Variants in ALKBH8 observed in about 807,000 individuals in gnomAD.
The protein encoded by ALKBH8 is alkB homolog 8, tRNA methyltransferase.
ALKBH8 carries 36 observed loss-of-function variants against 59.8 expected under a neutral mutation model. The observed-to-expected ratio is 0.60, with a 90% CI of 0.46 to 0.79. The LOEUF is 0.79. Among genes scored for constraint, ALKBH8 ranks in the 30% least tolerant of loss-of-function variants. ALKBH8 has a pLI of 0.00. For synonymous variants in ALKBH8, 276 were observed against 273.6 expected (o/e 1.01, Z -0.09); for missense variants, 768 against 801.0 (o/e 0.96, Z 0.50).
chr11:107,529,070 A>T (rs1038009748), intron 8 of ALKBH8, among the ~76,000 whole-genome samples: 2 of 152,198 alleles, frequency 1.3e-5, no homozygotes, highest in African/African-American at 4.8e-5. Context: ...TTTAGCCATA[A>T]TATCATTGGT....
intron 11 of ALKBH8, among the ~76,000 whole-genome samples, chr11:107,509,051 G>C (rs970842775): frequency 6.6e-6 from 1 of 152,120 alleles, no homozygotes; most frequent in African/African-American, 2.4e-5. Flanking sequence ...GAATCATGTG[G>C]TAATTCTATG....
chr11:107,540,168 A>G (rs1278010611), intron 7 of ALKBH8, among the ~76,000 whole-genome samples: 3 of 152,350 alleles, frequency 2.0e-5, no homozygotes, highest in Non-Finnish European at 4.4e-5. Flanking sequence ...GGGTATATAC[A>G]TCTGGGAATG....
chr11:107,564,397 C>T (rs969725773), intron 1 of ALKBH8, among the ~76,000 whole-genome samples: 5 of 152,134 alleles, frequency 3.3e-5, no homozygotes. Context: ...ATTACTTTTG[C>T]ACAACCTAAT....
At chr11:107,562,369 T>G (rs1220080513) in intron 1 of ALKBH8, among the ~76,000 whole-genome samples, 3 of 150,218 alleles carry the variant, frequency 2.0e-5, no homozygotes, top group Non-Finnish European at 4.4e-5. Flanking sequence ...TGCCATGTAC[T>G]GAAGGATAAG....
At chr11:107,517,952 G>A (rs1027212794) in intron 10 of ALKBH8, among the ~76,000 whole-genome samples, 2 of 152,152 alleles carry the variant, frequency 1.3e-5, no homozygotes, top group African/African-American at 4.8e-5. Flanking sequence ...TAATGCATAT[G>A]TTAATTTGCT....
chr11:107,539,268 C>T (rs1863940152), intron 7 of ALKBH8, among the ~76,000 whole-genome samples: 1 of 152,194 alleles, frequency 6.6e-6, no homozygotes, highest in African/African-American at 2.4e-5. Flanking sequence ...AACCTTCTAC[C>T]TATGCCATAT....
chr11:107,517,678 A>G (rs898908096), intron 10 of ALKBH8, among the ~76,000 whole-genome samples: 27 of 152,352 alleles, frequency 1.8e-4, no homozygotes, highest in African/African-American at 6.5e-4. Flanking sequence ...CAAGTATTGC[A>G]TGATCTCACT....
At position 107,553,863 on chromosome 11, in the gene ALKBH8, A is replaced by G; in HGVS notation, c.483T>C (p.Asp161=). ...TTTACTTACAGTTTTGATTGTCTGT[A>G]TCTTCTGTCCAATCAACACTTTCCA... ...MLLESVDWTE[D]TDNQNSQKSL... is the part of the protein sequence containing the mutation. Residue 161 remains aspartate, a synonymous_variant, in exon 4 of 12, where the codon GAT becomes GAC. Coordinates refer to ENST00000428149, the MANE Select transcript of ALKBH8 (RefSeq NM_138775.3). 6.2e-7 allele frequency: 1 copy of G among 1,613,062 alleles called. No homozygotes were observed. Among genetic ancestry groups the G allele is most frequent in the South Asian group, 1.1e-5 (1 of 90,926 alleles).
intron 1 of ALKBH8, among the ~76,000 whole-genome samples, chr11:107,562,419 G>A (rs1032065969): frequency 1.3e-5 from 2 of 152,022 alleles, no homozygotes; most frequent in Admixed American, 6.6e-5. Context: ...TATTCAGTGA[G>A]GCAGTAAAGA....
chr11:107,533,409 T>G (rs1863678028), intron 7 of ALKBH8, among the ~76,000 whole-genome samples: 1 of 152,150 alleles, frequency 6.6e-6, no homozygotes, highest in African/African-American at 2.4e-5. Flanking sequence ...AATAGTAATA[T>G]TGGATCAAAT....
chr11:107,512,930 C>A (rs1397475241), intron 10 of ALKBH8, among the ~76,000 whole-genome samples: 1 of 152,052 alleles, frequency 6.6e-6, no homozygotes, highest in Non-Finnish European at 1.5e-5. Flanking sequence ...AATGTAAAAC[C>A]TAAGACTACA....
At chr11:107,544,107 T>C (rs958388262) in intron 7 of ALKBH8, among the ~76,000 whole-genome samples, 1 of 152,238 alleles carries the variant, frequency 6.6e-6, no homozygotes, top group African/African-American at 2.4e-5. Context: ...CTGAACTCTA[T>C]TGATTTTTCT....
intron 7 of ALKBH8, among the ~76,000 whole-genome samples, chr11:107,534,616 A>AC (rs1210368568): frequency 1.3e-5 from 2 of 152,250 alleles, no homozygotes; most frequent in African/African-American, 4.8e-5. Context: ...ATTAGAACTC[A>AC]CAAGAGATAT....
At chr11:107,565,465 G>A (rs1279270694) in intron 1 of ALKBH8, 136 bp downstream of exon 1, 6 of 1,236,778 alleles carry the variant, frequency 4.9e-6, no homozygotes, top group South Asian at 1.4e-5. Context: ...TGCACCAAGG[G>A]CGCCTCTGGG....
chr11:107,526,925 T>C (rs1317674001), intron 8 of ALKBH8, among the ~76,000 whole-genome samples: 1 of 151,988 alleles, frequency 6.6e-6, no homozygotes, highest in Non-Finnish European at 1.5e-5. Flanking sequence ...GTCCTCCTGA[T>C]CTATCTGTCT....
Position 107,504,474 on chromosome 11 carries a change from G to A in ALKBH8, c.*184C>T. The A allele has an allele frequency of 1.3e-6, 1 of 746,998 alleles. No individual in the cohort carries two copies. Among genetic ancestry groups the A allele is most frequent in the Non-Finnish European group, 2.3e-6 (1 of 433,394 alleles). The allele number at this position is 746,998 out of a possible 1,614,324, so 46.3% of individuals were successfully genotyped here. ...AGTAGGAGGAGCCAACACCACATCTGTGATGTCAGCCAACAGGAGACATTT... is the reference window on the plus strand; with the variant it reads ...AGTAGGAGGAGCCAACACCACATCTATGATGTCAGCCAACAGGAGACATTT... On this transcript the variant is annotated 3_prime_UTR_variant, in exon 12 of 12. Coordinates refer to ENST00000428149, the MANE Select transcript of ALKBH8 (RefSeq NM_138775.3).
intron 4 of ALKBH8, among the ~76,000 whole-genome samples, chr11:107,553,633 A>T (rs1402581595): frequency 6.6e-6 from 1 of 152,158 alleles, no homozygotes; most frequent in Non-Finnish European, 1.5e-5. Flanking sequence ...TAAATGTTGG[A>T]TAATACTAAT....
chr11:107,539,788 T>G (rs1005830163), intron 7 of ALKBH8, among the ~76,000 whole-genome samples: 28 of 151,686 alleles, frequency 1.8e-4, no homozygotes, highest in Non-Finnish European at 4.1e-4. Context: ...AATTACAAAG[T>G]CTTATGAAGC....
In ALKBH8 at chr11:107,532,374, A is replaced by C; in HGVS notation, c.804T>G (p.Ile268Met). ...IVMDFKHPDGIAVPVMLPRRS... is the reference protein window; with the variant it reads ...IVMDFKHPDGMAVPVMLPRRS... ...GACGAGGCAACATAACTGGCACTGC[A>C]ATGCCATCTGGGTGCTTAAAATCCA... The change falls in exon 8 of 12, where the codon ATT (isoleucine) becomes ATG (methionine). Residue 268 changes from isoleucine (I) to methionine (M), a missense_variant. Coordinates refer to ENST00000428149, the MANE Select transcript of ALKBH8 (RefSeq NM_138775.3). The C allele has an allele frequency of 6.2e-7, 1 of 1,613,738 alleles. No homozygotes were observed. Among genetic ancestry groups the C allele is most frequent in the Non-Finnish European group, 8.5e-7 (1 of 1,179,694 alleles).
Sources: gnomAD v4.1 joint callset for allele counts (sites outside exome capture counted in the v4.1 genomes callset) on GRCh38, gnomAD v4.1.1 for gene constraint, MANE v1.5 for transcripts, NCBI Gene and HGNC (gene_info 2026-07-23, HGNC 2026-07-21) for gene names.